CD109: variants seen among roughly 807,000 people sequenced by gnomAD.
CD109 encodes CD109 molecule, also known as CD109 antigen.
CD109 carries 149 observed loss-of-function variants against 165.8 expected under a neutral mutation model. The observed-to-expected ratio is 0.90, with a 90% CI of 0.79 to 1.03. The LOEUF is 1.03. CD109 is among the 50% of genes least tolerant of loss of function. The pLI is 0.00. For synonymous variants in CD109, 585 were observed against 592.1 expected, an observed-to-expected ratio of 0.99 and a Z score of 0.18; for missense variants, 1,712 against 1,677.8, an observed-to-expected ratio of 1.02 and a Z score of -0.36.
At chr6:73,818,739 C>T (rs780443557) in intron 31 of CD109, among the ~76,000 whole-genome samples, 4 of 152,128 alleles carry the variant, frequency 2.6e-5, no homozygotes, top group East Asian at 3.8e-4. Context: ...CTATTAATGA[C>T]GAGCCTGATG....
chr6:73,781,903 A>G (rs72957333), intron 17 of CD109, among the ~76,000 whole-genome samples: 16,707 of 152,102 alleles, frequency 0.11, 1,186 homozygotes, highest in Non-Finnish European at 0.16. Context: ...TGAATTGCCA[A>G]ATAGAGTTGG....
chr6:73,820,005 G>A (rs1396038184), intron 31 of CD109, among the ~76,000 whole-genome samples: 1 of 152,146 alleles, frequency 6.6e-6, no homozygotes, highest in East Asian at 1.9e-4. Context: ...GAGACAGATA[G>A]GCTGGCTTTG....
At chr6:73,705,723 G>T (rs534641142) in intron 2 of CD109, among the ~76,000 whole-genome samples, 2 of 152,312 alleles carry the variant, frequency 1.3e-5, no homozygotes, top group East Asian at 3.9e-4. Flanking sequence ...GGAAGAAGAA[G>T]TTCCAAGAAG....
chr6:73,705,935 G>T (rs1305541855), intron 2 of CD109, among the ~76,000 whole-genome samples: 1 of 152,056 alleles, frequency 6.6e-6, no homozygotes, highest in Non-Finnish European at 1.5e-5. Flanking sequence ...AGAGGTGGAC[G>T]GTCTCTCAAA....
chr6:73,820,409 A>G (rs1776068795), intron 31 of CD109, 52 bp from the exon 32 acceptor site: 2 of 952,486 alleles, frequency 2.1e-6, no homozygotes, highest in Non-Finnish European at 3.3e-6. Flanking sequence ...TCTTTACTTA[A>G]TCATGAACAC....
intron 2 of CD109, among the ~76,000 whole-genome samples, chr6:73,713,084 C>T (rs575740002): frequency 6.6e-6 from 1 of 152,232 alleles, no homozygotes; most frequent in South Asian, 2.1e-4. Context: ...GCTGCCCCCA[C>T]TCTCCTCCCC....
At chr6:73,805,518 A>C (rs1775530327) in intron 24 of CD109, among the ~76,000 whole-genome samples, 1 of 152,070 alleles carries the variant, frequency 6.6e-6, no homozygotes, top group Non-Finnish European at 1.5e-5. Context: ...TCTTATCTCA[A>C]CTGCAAAGAG....
In CD109 at chr6:73,795,598, G is replaced by A. The variant is rs533369516; in HGVS notation, c.2878+2796G>A. Among the ~76,000 whole-genome samples the A allele has an allele frequency of 3.3e-5, 5 of 152,290 alleles. No homozygotes were observed. In the South Asian group the frequency reaches 1.0e-3, roughly 32 times the overall value. On this transcript the variant is annotated intron_variant, in intron 23 of 32. Coordinates refer to ENST00000287097, the MANE Select transcript of CD109 (RefSeq NM_133493.5). ...CTGTTGGTTGTTAGAAGGTACAGTGGCCAGAGTGCAAAAAAAGCATCGTTC... is the reference window on the plus strand; with the variant it reads ...CTGTTGGTTGTTAGAAGGTACAGTGACCAGAGTGCAAAAAAAGCATCGTTC...
intron 23 of CD109, among the ~76,000 whole-genome samples, chr6:73,800,633 G>A (rs1425258742): frequency 3.3e-5 from 5 of 152,106 alleles, no homozygotes; most frequent in Non-Finnish European, 7.4e-5. Flanking sequence ...GGAGAGAAAT[G>A]GTATCTCAGT....
intron 5 of CD109, among the ~76,000 whole-genome samples, chr6:73,740,738 A>G (rs951367689): frequency 2.6e-5 from 4 of 151,386 alleles, no homozygotes; most frequent in Non-Finnish European, 4.4e-5. Context: ...GATTACAGGC[A>G]TGCACCACCA....
chr6:73,798,120 T>TC (rs995038405), intron 23 of CD109, among the ~76,000 whole-genome samples: 1 of 151,242 alleles, frequency 6.6e-6, no homozygotes, highest in Non-Finnish European at 1.5e-5. Flanking sequence ...GTTTTTTTTT[T>TC]TTTCTTTTTT....
chr6:73,815,695 C>T (rs183498897), intron 30 of CD109, among the ~76,000 whole-genome samples: 5 of 152,282 alleles, frequency 3.3e-5, no homozygotes, highest in Admixed American at 3.3e-4. Flanking sequence ...TCCAAAGCAT[C>T]TGAGAATCTT....
intron 5 of CD109, among the ~76,000 whole-genome samples, chr6:73,746,338 G>C (rs1251752252): frequency 6.6e-6 from 1 of 152,156 alleles, no homozygotes; most frequent in Admixed American, 6.5e-5. Context: ...AAGTCCCTGG[G>C]TGGAGTGAGG....
chr6:73,802,010 G>A (rs1775372853), intron 23 of CD109, among the ~76,000 whole-genome samples: 1 of 152,120 alleles, frequency 6.6e-6, no homozygotes, highest in East Asian at 1.9e-4. Flanking sequence ...TTTTTAGCAA[G>A]TTAGTTTATT....
chr6:73,761,533 T>G (rs539465378), intron 7 of CD109, among the ~76,000 whole-genome samples: 2 of 152,340 alleles, frequency 1.3e-5, no homozygotes, highest in South Asian at 4.1e-4. Flanking sequence ...TTTATTTATT[T>G]ATTTTTTGAG....
intron 16 of CD109, among the ~76,000 whole-genome samples, chr6:73,780,945 G>A (rs1005535060): frequency 1.3e-5 from 2 of 150,032 alleles, no homozygotes; most frequent in Non-Finnish European, 3.0e-5. Flanking sequence ...GTGTATGTGT[G>A]TTTGAGAAAG....
intron 29 of CD109, among the ~76,000 whole-genome samples, chr6:73,814,010 A>G (rs1775843535): frequency 6.6e-6 from 1 of 152,176 alleles, no homozygotes. Context: ...AAAGTAAGAT[A>G]ACCAGAAGGA....
chr6:73,822,230 T>C (rs1776131968), intron 32 of CD109, among the ~76,000 whole-genome samples: 1 of 152,206 alleles, frequency 6.6e-6, no homozygotes, highest in Non-Finnish European at 1.5e-5. Flanking sequence ...ATGTTTCTAA[T>C]TGTAATATGT....
intron 27 of CD109, 78 bp downstream of exon 27, chr6:73,810,252 TA>T (rs1178271009): frequency 1.5e-5 from 5 of 334,030 alleles, no homozygotes; most frequent in African/African-American, 1.1e-4. Flanking sequence ...TTATATATAA[TA>T]TATAGTATAT....
Sources: allele counts gnomAD v4.1 joint callset (sites outside exome capture counted in the v4.1 genomes callset), GRCh38; gene constraint gnomAD v4.1.1; transcripts MANE v1.5; gene names NCBI Gene and HGNC (gene_info 2026-07-23, HGNC 2026-07-21).